The following CDH12 variants were observed in gnomAD, a reference collection of about 807,000 sequenced individuals.
CDH12 encodes cadherin 12.
A neutral mutation model predicts 74.1 loss-of-function variants in CDH12; 41 were observed. The ratio of observed to expected loss-of-function variants is 0.55; its 90% CI spans 0.43 to 0.72. CDH12 has a LOEUF of 0.72. Ranked by LOEUF, CDH12 falls within the 30% of genes least tolerant of loss-of-function variation. The pLI is 0.00. For missense variants in CDH12, 945 were observed against 977.2 expected (o/e 0.97, Z 0.44); for synonymous variants, 399 against 355.0 (o/e 1.12, Z -1.39).
intron 2 of CDH12, among the ~76,000 whole-genome samples, chr5:22,452,887 A>AAAAAAC (rs1745105335): frequency 6.9e-6 from 1 of 145,880 alleles, no homozygotes; most frequent in Non-Finnish European, 1.5e-5. Context: ...GAGCAAAAAA[A>AAAAAAC]AAAAAAAAAA....
intron 6 of CDH12, among the ~76,000 whole-genome samples, chr5:21,962,954 A>T (rs961378335): frequency 6.6e-6 from 1 of 152,014 alleles, no homozygotes; most frequent in African/African-American, 2.4e-5. Context: ...GCAGCTTTTG[A>T]CGAAATTGGT....
chr5:22,124,417 C>T (rs1294557157), intron 4 of CDH12, among the ~76,000 whole-genome samples: 2 of 152,184 alleles, frequency 1.3e-5, no homozygotes, highest in Non-Finnish European at 2.9e-5. Flanking sequence ...AGCCACCATG[C>T]CCGGCCTTGC....
At chr5:22,434,183 G>C (rs1744284191) in intron 2 of CDH12, among the ~76,000 whole-genome samples, 1 of 152,076 alleles carries the variant, frequency 6.6e-6, no homozygotes, top group African/African-American at 2.4e-5. Flanking sequence ...GTTAAAAATT[G>C]TTGACACAAG....
intron 1 of CDH12, among the ~76,000 whole-genome samples, chr5:22,712,335 TG>T (rs1054269270): frequency 1.3e-5 from 2 of 152,090 alleles, no homozygotes; most frequent in Admixed American, 6.6e-5. Context: ...AATAAAAGTT[TG>T]TTTTATTATT....
At chr5:22,705,176 G>T (rs937090648) in intron 1 of CDH12, among the ~76,000 whole-genome samples, 6 of 140,128 alleles carry the variant, frequency 4.3e-5, no homozygotes, top group Non-Finnish European at 9.3e-5. Context: ...GTAGAGATAC[G>T]TGTGTGTGTA....
intron 1 of CDH12, among the ~76,000 whole-genome samples, chr5:22,554,230 G>A (rs1472804258): frequency 1.3e-5 from 2 of 152,104 alleles, no homozygotes; most frequent in Admixed American, 1.3e-4. Flanking sequence ...CTATAATGGT[G>A]AATACATGTT....
At chr5:21,987,015 A>T (rs1022439121) in intron 5 of CDH12, among the ~76,000 whole-genome samples, 2 of 151,978 alleles carry the variant, frequency 1.3e-5, no homozygotes, top group African/African-American at 4.8e-5. Flanking sequence ...TTGCATATGC[A>T]CTTAATAATC....
chr5:22,821,398 G>C (rs1308194284), intron 1 of CDH12, among the ~76,000 whole-genome samples: 1 of 152,120 alleles, frequency 6.6e-6, no homozygotes, highest in Non-Finnish European at 1.5e-5. Flanking sequence ...AATCAGGCAG[G>C]AGGAAGAAAT....
chr5:22,839,520 T>C (rs866824618), intron 1 of CDH12, among the ~76,000 whole-genome samples: 4 of 151,956 alleles, frequency 2.6e-5, no homozygotes, highest in Non-Finnish European at 4.4e-5. Context: ...CACGTCTGGC[T>C]AATTTTTTAC....
intron 6 of CDH12, among the ~76,000 whole-genome samples, chr5:21,855,234 T>C (rs1750693087): frequency 6.6e-6 from 1 of 151,774 alleles, no homozygotes. Flanking sequence ...AATTAACAAC[T>C]ACCTACTAGC....
chr5:22,603,146 G>A (rs914650772), intron 1 of CDH12, among the ~76,000 whole-genome samples: 2 of 151,916 alleles, frequency 1.3e-5, no homozygotes, highest in Non-Finnish European at 1.5e-5. Flanking sequence ...TAAATAAGAA[G>A]CTTACCCAGA....
At chr5:22,565,055 C>A (rs1218299591) in intron 1 of CDH12, among the ~76,000 whole-genome samples, 1 of 152,100 alleles carries the variant, frequency 6.6e-6, no homozygotes, top group Non-Finnish European at 1.5e-5. Context: ...CCTGCCTCAG[C>A]CTCCCTAGTA....
At chr5:21,915,534 G>A (rs777291305) in intron 6 of CDH12, among the ~76,000 whole-genome samples, 5 of 152,176 alleles carry the variant, frequency 3.3e-5, no homozygotes, top group African/African-American at 7.2e-5. Context: ...ACTGGAGAGT[G>A]TAGATTATAC....
intron 3 of CDH12, among the ~76,000 whole-genome samples, chr5:22,271,231 A>G (rs564905556): frequency 6.6e-6 from 1 of 152,188 alleles, no homozygotes; most frequent in East Asian, 1.9e-4. Flanking sequence ...TGTTCAAAGC[A>G]TCTTCACCAG....
intron 6 of CDH12, among the ~76,000 whole-genome samples, chr5:21,871,830 A>T (rs180990398): frequency 3.9e-5 from 6 of 152,040 alleles, no homozygotes; most frequent in Admixed American, 1.3e-4. Flanking sequence ...CACTTGCAAG[A>T]CTCCTATCCT....
chr5:22,457,416 T>TTCC (rs1216015422), intron 2 of CDH12, among the ~76,000 whole-genome samples: 2 of 44,248 alleles, frequency 4.5e-5, no homozygotes, highest in Non-Finnish European at 1.0e-4. Context: ...CCTCTTCCTC[T>TTCC]TCTTCTTCAT....
intron 3 of CDH12, among the ~76,000 whole-genome samples, chr5:22,235,205 G>A (rs909643508): frequency 3.9e-5 from 6 of 152,022 alleles, no homozygotes; most frequent in Non-Finnish European, 5.9e-5. Context: ...TGTATACTAG[G>A]TCGAAATATA....
intron 1 of CDH12, among the ~76,000 whole-genome samples, chr5:22,753,778 T>A (rs1006441965): frequency 2.6e-5 from 4 of 151,964 alleles, no homozygotes; most frequent in Non-Finnish European, 5.9e-5. Context: ...TCAGATTAAT[T>A]CTCTTTTGGT....
At chr5:21,942,967 T>C (rs1201044947) in intron 6 of CDH12, among the ~76,000 whole-genome samples, 1 of 152,166 alleles carries the variant, frequency 6.6e-6, no homozygotes, top group East Asian at 1.9e-4. Context: ...AGGGGCCTGG[T>C]GGGAGGTGAT....
Sources: allele counts gnomAD v4.1 joint callset (sites outside exome capture counted in the v4.1 genomes callset), GRCh38; gene constraint gnomAD v4.1.1; transcripts MANE v1.5; gene names NCBI Gene and HGNC (gene_info 2026-07-23, HGNC 2026-07-21).